LASP1: variants seen among roughly 807,000 people sequenced by gnomAD.
LASP1 encodes LIM and SH3 protein 1.
Under a neutral mutation model 38.6 loss-of-function variants are expected in LASP1, and 10 were observed. The ratio of observed to expected loss-of-function variants is 0.26; its 90% CI spans 0.16 to 0.44. The LOEUF (loss-of-function observed/expected upper bound fraction) is 0.44. Ranked by LOEUF, LASP1 falls within the 20% of genes least tolerant of loss-of-function variation. The pLI, the probability that LASP1 is intolerant of heterozygous loss-of-function variation, is 1.00. For synonymous variants in LASP1, 132 were observed against 140.8 expected (o/e 0.94, Z 0.44); for missense variants, 243 against 375.7 (o/e 0.65, Z 2.92).
chr17:38,889,381 C>T (rs536022470), intron 2 of LASP1, among the ~76,000 whole-genome samples: 15 of 152,262 alleles, frequency 9.9e-5, no homozygotes, highest in African/African-American at 3.4e-4. Flanking sequence ...CTGCCCGCCT[C>T]GGCCTCCCAA....
chr17:38,877,031 A>T (rs1388966543), intron 1 of LASP1, among the ~76,000 whole-genome samples: 6 of 152,166 alleles, frequency 3.9e-5, no homozygotes, highest in Non-Finnish European at 7.3e-5. Context: ...GCATGAATGG[A>T]TTGGAGCTGT....
chr17:38,887,528 C>T (rs898339951), intron 2 of LASP1, among the ~76,000 whole-genome samples: 1 of 152,216 alleles, frequency 6.6e-6, no homozygotes, highest in African/African-American at 2.4e-5. Context: ...TCACAGGCCA[C>T]GTCTGTTGCC....
At chr17:38,898,743 A>G in intron 4 of LASP1, 1 of 606,444 alleles carries the variant, frequency 1.6e-6, no homozygotes, top group Non-Finnish European at 3.1e-6. Context: ...AAGGGACTGT[A>G]TTCTGTGGGG....
intron 4 of LASP1, among the ~76,000 whole-genome samples, chr17:38,900,391 A>AAAAAAAAAG (rs1914609563): frequency 6.7e-6 from 1 of 149,870 alleles, no homozygotes. Flanking sequence ...AAAAAAAAAA[A>AAAAAAAAAG]GGACCAGGCG....
At chr17:38,873,720 G>T (rs182902505) in intron 1 of LASP1, among the ~76,000 whole-genome samples, 2 of 152,324 alleles carry the variant, frequency 1.3e-5, no homozygotes, top group African/African-American at 4.8e-5. Context: ...CTTTAAGCCA[G>T]CGGGTCAGGT....
intron 4 of LASP1, among the ~76,000 whole-genome samples, chr17:38,911,646 G>A (rs1598120754): frequency 6.6e-6 from 1 of 152,200 alleles, no homozygotes. Context: ...CCCGTGTCTG[G>A]GAGTGCCCTG....
chr17:38,881,696 C>T lies in LASP1; in HGVS notation c.164+3516C>T, dbSNP rs143410248. ...GCTGGGCCAAGCCCAGTGCAGGACC[C>T]GTAGGGGCACGTGGTTTCTTCTGGC... On this transcript the variant is annotated intron_variant, in intron 2 of 6. Coordinates refer to ENST00000318008, the MANE Select transcript of LASP1 (RefSeq NM_006148.4). Among the ~76,000 whole-genome samples, 32 of 152,298 alleles carry T rather than the reference C, an allele frequency of 2.1e-4. No homozygotes were observed. The East Asian group carries it at 5.0e-3, about 24-fold the overall frequency.
chr17:38,906,944 C>T (rs149134434), intron 4 of LASP1, among the ~76,000 whole-genome samples: 1 of 152,156 alleles, frequency 6.6e-6, no homozygotes, highest in Admixed American at 6.5e-5. Flanking sequence ...GGGGGCTGTG[C>T]TGACATGTCT....
intron 2 of LASP1, among the ~76,000 whole-genome samples, chr17:38,881,004 G>A (rs2143742112): frequency 6.6e-6 from 1 of 152,342 alleles, no homozygotes; most frequent in South Asian, 2.1e-4. Flanking sequence ...TCAGGAGGCT[G>A]AGGCAGGAGA....
chr17:38,898,337 G>C (rs1400773893), intron 3 of LASP1, 75 bp from the exon 4 acceptor site: 2 of 918,734 alleles, frequency 2.2e-6, no homozygotes, highest in Non-Finnish European at 3.3e-6. Flanking sequence ...ACTGGTTGCT[G>C]CCTCAGAGGG....
At chr17:38,902,581 T>C (rs1598116368) in intron 4 of LASP1, among the ~76,000 whole-genome samples, 1 of 152,298 alleles carries the variant, frequency 6.6e-6, no homozygotes, top group South Asian at 2.1e-4. Flanking sequence ...ATAGGGTGTT[T>C]AGAGCCACAC....
In LASP1 at chr17:38,920,723, C is replaced by T. The variant is rs1915275291; in HGVS notation, c.*1945C>T. On this transcript the variant is annotated 3_prime_UTR_variant, in exon 7 of 7. Transcript: ENST00000318008. ...TGGGGAGGCCCTGCCTGACCCATCC[C>T]TTTTCCTTTCTGGCCCCAGCCTAGG... 8 of 233,676 alleles carry T rather than the reference C, an allele frequency of 3.4e-5. No homozygotes were observed. In the East Asian group the frequency reaches 4.8e-4, roughly 14 times the overall value. The allele number at this position is 233,676 out of a possible 1,614,324, so 14.5% of individuals were successfully genotyped here.
intron 4 of LASP1, among the ~76,000 whole-genome samples, chr17:38,904,892 A>G (rs1007464506): frequency 6.6e-6 from 1 of 152,228 alleles, no homozygotes; most frequent in Non-Finnish European, 1.5e-5. Context: ...TTGTTGGACA[A>G]TCCTCTAGTT....
chr17:38,870,294 C>T (rs1913560872), intron 1 of LASP1, 36 bp downstream of exon 1: 1 of 1,605,586 alleles, frequency 6.2e-7, no homozygotes, highest in Non-Finnish European at 8.5e-7. Flanking sequence ...CTTTGCAATC[C>T]CCCGCAGTGC....
At chr17:38,899,104 C>T in intron 4 of LASP1, 1 of 291,580 alleles carries the variant, frequency 3.4e-6, no homozygotes, top group Non-Finnish European at 6.9e-6. Context: ...ATCAACTGTC[C>T]CCAGCATCGT....
At chr17:38,880,476 C>A (rs1913913061) in intron 2 of LASP1, among the ~76,000 whole-genome samples, 1 of 152,228 alleles carries the variant, frequency 6.6e-6, no homozygotes, top group Non-Finnish European at 1.5e-5. Flanking sequence ...CCCTGTCTCC[C>A]TCCTGGCCTC....
intron 6 of LASP1, chr17:38,915,359 T>C: frequency 2.2e-6 from 1 of 453,580 alleles, no homozygotes; most frequent in Non-Finnish European, 4.0e-6. Flanking sequence ...TGGTGTACCA[T>C]GGGCAGGTTG....
At chr17:38,917,664 T>C (rs537863433) in intron 6 of LASP1, among the ~76,000 whole-genome samples, 1 of 152,056 alleles carries the variant, frequency 6.6e-6, no homozygotes, top group Admixed American at 6.5e-5. Context: ...AATAATAGCA[T>C]ACAGGGCATG....
intron 4 of LASP1, among the ~76,000 whole-genome samples, chr17:38,907,505 C>T (rs904150193): frequency 3.3e-5 from 5 of 152,070 alleles, no homozygotes; most frequent in East Asian, 1.9e-4. Flanking sequence ...AGCTCTGCCT[C>T]GGGAAGTCAT....
Sources: gnomAD v4.1 joint callset for allele counts (sites outside exome capture counted in the v4.1 genomes callset) on GRCh38, gnomAD v4.1.1 for gene constraint, MANE v1.5 for transcripts, NCBI Gene and HGNC (gene_info 2026-07-23, HGNC 2026-07-21) for gene names.